Variants in CADM2 observed in about 807,000 individuals in gnomAD.
The protein encoded by CADM2 is immunoglobulin superfamily member 4D.
Under a neutral mutation model 49.8 loss-of-function variants are expected in CADM2, and 12 were observed. The ratio of observed to expected loss-of-function variants is 0.24; its 90% CI spans 0.15 to 0.39. CADM2 has a LOEUF of 0.39. CADM2 is among the 10% of genes least tolerant of loss of function. The pLI is 1.00. For missense variants in CADM2, 378 were observed against 492.3 expected, an observed-to-expected ratio of 0.77 and a Z score of 2.20; for synonymous variants, 214 against 175.4, an observed-to-expected ratio of 1.22 and a Z score of -1.74.
chr3:86,022,975 G>A (rs1360994693), intron 8 of CADM2, among the ~76,000 whole-genome samples: 1 of 151,984 alleles, frequency 6.6e-6, no homozygotes, highest in African/African-American at 2.4e-5. Context: ...TGCCCACTGA[G>A]TCTATACTTC....
At chr3:85,001,060 A>G (rs1414843033) in intron 1 of CADM2, among the ~76,000 whole-genome samples, 1 of 152,112 alleles carries the variant, frequency 6.6e-6, no homozygotes, top group African/African-American at 2.4e-5. Flanking sequence ...ATTAACCTAG[A>G]TAACTTGTTC....
intron 1 of CADM2, among the ~76,000 whole-genome samples, chr3:85,171,157 T>A (rs1332012881): frequency 6.6e-6 from 1 of 152,234 alleles, no homozygotes; most frequent in East Asian, 1.9e-4. Flanking sequence ...ACAAGTGTTA[T>A]CTTTCAAACA....
intron 1 of CADM2, among the ~76,000 whole-genome samples, chr3:85,415,080 C>T (rs1467291172): frequency 1.3e-5 from 2 of 152,080 alleles, no homozygotes; most frequent in East Asian, 1.9e-4. Context: ...TATTCTAAAC[C>T]GCTGAGACTT....
chr3:85,974,932 G>A (rs147782002), intron 8 of CADM2, among the ~76,000 whole-genome samples: 31 of 151,646 alleles, frequency 2.0e-4, no homozygotes, highest in Admixed American at 6.6e-4. Context: ...AACTTTATGT[G>A]TAGGCAAAAT....
At chr3:85,106,702 A>G (rs1360500023) in intron 1 of CADM2, among the ~76,000 whole-genome samples, 1 of 151,040 alleles carries the variant, frequency 6.6e-6, no homozygotes, top group East Asian at 1.9e-4. Flanking sequence ...GGGGAAACGT[A>G]GCCTTGCCTG....
At chr3:85,467,326 A>C (rs913458984) in intron 1 of CADM2, among the ~76,000 whole-genome samples, 2 of 152,146 alleles carry the variant, frequency 1.3e-5, no homozygotes, top group Non-Finnish European at 2.9e-5. Context: ...TTTTTGTATC[A>C]TTTATTACCT....
intron 1 of CADM2, among the ~76,000 whole-genome samples, chr3:85,377,981 A>C (rs2033689646): frequency 6.6e-6 from 1 of 152,072 alleles, no homozygotes; most frequent in African/African-American, 2.4e-5. Flanking sequence ...GAATATTGTG[A>C]CTGTCTAAAT....
chr3:85,565,058 C>A (rs1414975705), intron 1 of CADM2, among the ~76,000 whole-genome samples: 1 of 151,960 alleles, frequency 6.6e-6, no homozygotes, highest in Non-Finnish European at 1.5e-5. Context: ...TGAACAAAAG[C>A]AATTAGCTGG....
intron 1 of CADM2, among the ~76,000 whole-genome samples, chr3:85,001,939 G>T (rs779848396): frequency 9.2e-5 from 14 of 152,074 alleles, no homozygotes; most frequent in Non-Finnish European, 1.9e-4. Flanking sequence ...AAACTTAATT[G>T]AATCAAAACT....
At chr3:85,943,519 G>GT (rs574906867) in intron 7 of CADM2, among the ~76,000 whole-genome samples, 250 of 151,256 alleles carry the variant, frequency 1.7e-3, no homozygotes, top group African/African-American at 5.9e-3. Context: ...TGTATAAGGT[G>GT]TAAGGAAGGG....
chr3:85,343,161 T>G (rs1387308391), intron 1 of CADM2, among the ~76,000 whole-genome samples: 2 of 152,152 alleles, frequency 1.3e-5, no homozygotes, highest in African/African-American at 4.8e-5. Context: ...CATTGCACGA[T>G]GTACAGCACA....
At chr3:85,686,170 G>C (rs1433582290) in intron 1 of CADM2, among the ~76,000 whole-genome samples, 6 of 152,094 alleles carry the variant, frequency 3.9e-5, no homozygotes, top group Non-Finnish European at 8.8e-5. Flanking sequence ...ACTTCCTTCT[G>C]TTTAATATCT....
intron 1 of CADM2, among the ~76,000 whole-genome samples, chr3:85,349,010 C>A (rs1231699848): frequency 6.6e-6 from 1 of 152,084 alleles, no homozygotes; most frequent in Non-Finnish European, 1.5e-5. Flanking sequence ...CATTCAGTAT[C>A]CTTTCTCATA....
chr3:85,195,676 G>T (rs2041328106), intron 1 of CADM2, among the ~76,000 whole-genome samples: 1 of 151,858 alleles, frequency 6.6e-6, no homozygotes. Context: ...TTACATACAT[G>T]TGTTAAAAAG....
At chr3:85,190,141 G>A (rs575685535) in intron 1 of CADM2, among the ~76,000 whole-genome samples, 1 of 151,642 alleles carries the variant, frequency 6.6e-6, no homozygotes, top group Admixed American at 6.6e-5. Context: ...AATATCCTAG[G>A]TCTAGACCAC....
rs1724800541 is a variant in CADM2, at chr3:85,961,381, G to T, written c.792-88G>T. 1.1e-5 allele frequency: 13 copies of T among 1,151,348 alleles called. No homozygotes were observed. The Middle Eastern group carries it at 6.5e-4, about 57-fold the overall frequency. 71.3% of individuals were successfully genotyped at this position (1,151,348 alleles called of 1,614,324 possible). Reference sequence around the variant, plus strand: ...GCATATGGTTGTGTACAAAATACATGTTAAATATTAAAAAATTGATTTACT... The same window carrying T: ...GCATATGGTTGTGTACAAAATACATTTTAAATATTAAAAAATTGATTTACT... On this transcript the variant is annotated intron_variant, in intron 7 of 9. Transcript: ENST00000383699.
intron 1 of CADM2, among the ~76,000 whole-genome samples, chr3:85,686,599 C>A (rs2066224357): frequency 6.6e-6 from 1 of 152,062 alleles, no homozygotes; most frequent in South Asian, 2.1e-4. Flanking sequence ...TGACTTCTGT[C>A]CAGTTTATAT....
chr3:86,007,378 A>G lies in CADM2; in HGVS notation c.970+45731A>G, dbSNP rs531083676. ...AGAGAAAAGAAGGAAAGAAGAAACA[A>G]TATGACACTGGGGAAAATGTTAATA... On this transcript the variant is annotated intron_variant, in intron 8 of 9. Coordinates refer to ENST00000383699, the MANE Select transcript of CADM2 (RefSeq NM_001167675.2). Among the ~76,000 whole-genome samples the G allele has an allele frequency of 8.3e-4, 126 of 152,298 alleles. 1 individual carries two copies. Among genetic ancestry groups the G allele is most frequent in the African/African-American group, 2.7e-3 (114 of 41,570 alleles).
chr3:85,038,160 T>A (rs2035296769), intron 1 of CADM2, among the ~76,000 whole-genome samples: 1 of 152,182 alleles, frequency 6.6e-6, no homozygotes, highest in Non-Finnish European at 1.5e-5. Flanking sequence ...TCAGTTCAAT[T>A]TCAGTTTCAC....
Sources: gnomAD v4.1 joint callset for allele counts (sites outside exome capture counted in the v4.1 genomes callset) on GRCh38, gnomAD v4.1.1 for gene constraint, MANE v1.5 for transcripts, NCBI Gene and HGNC (gene_info 2026-07-23, HGNC 2026-07-21) for gene names.